Variants in UBE2V2 observed in about 807,000 individuals in gnomAD.
The protein encoded by UBE2V2 is ubiquitin conjugating enzyme E2 V2, also known as ubiquitin-conjugating enzyme E2 variant 2.
In UBE2V2, 9 loss-of-function variants were observed where a neutral mutation model predicts 17.2. The observed-to-expected ratio is 0.52, with a 90% CI of 0.32 to 0.91. The LOEUF is 0.91. Among genes scored for constraint, UBE2V2 ranks in the 40% least tolerant of loss-of-function variants. The pLI, the probability that UBE2V2 is intolerant of heterozygous loss-of-function variation, is 0.04. For missense variants in UBE2V2, 133 were observed against 182.6 expected (o/e 0.73, Z 1.56); for synonymous variants, 61 against 57.5 (o/e 1.06, Z -0.28).
chr8:48,002,173 C>T, the UBE2V2 span, among the ~76,000 whole-genome samples: 1 of 151,988 alleles, frequency 6.6e-6, no homozygotes, highest in African/African-American at 2.4e-5. Flanking sequence ...AAAGGTCGTA[C>T]CTCTTAACAT....
chr8:48,021,507 C>T (rs1323856535), intron 1 of UBE2V2, among the ~76,000 whole-genome samples: 3 of 151,790 alleles, frequency 2.0e-5, no homozygotes, highest in African/African-American at 4.8e-5. Flanking sequence ...GGGGTTTCAC[C>T]GTGTTAGTGA....
intron 1 of UBE2V2, 56 bp downstream of exon 1, chr8:48,008,526 C>T: frequency 2.0e-6 from 3 of 1,533,940 alleles, no homozygotes; most frequent in Non-Finnish European, 2.6e-6. Flanking sequence ...TCTGCCCCTC[C>T]GTCTGCTGCT....
chr8:48,022,465 C>T (rs1184647292), intron 1 of UBE2V2, among the ~76,000 whole-genome samples: 1 of 152,112 alleles, frequency 6.6e-6, no homozygotes, highest in Non-Finnish European at 1.5e-5. Context: ...TATTCCTTTA[C>T]AAATTATTGT....
chr8:48,031,844 C>T (rs1198732759), intron 1 of UBE2V2, among the ~76,000 whole-genome samples: 1 of 152,104 alleles, frequency 6.6e-6, no homozygotes, highest in East Asian at 1.9e-4. Flanking sequence ...ACGGGGGTTT[C>T]ACCATGTTAT....
chr8:48,003,004 G>A, the UBE2V2 span, among the ~76,000 whole-genome samples: 5 of 152,114 alleles, frequency 3.3e-5, no homozygotes. Flanking sequence ...GAGGTCAAGA[G>A]ATTGAGACCA....
At chr8:48,053,200 T>C (rs184671890) in intron 3 of UBE2V2, among the ~76,000 whole-genome samples, 3 of 152,066 alleles carry the variant, frequency 2.0e-5, no homozygotes, top group African/African-American at 7.2e-5. Context: ...CACTTTTTAG[T>C]ATCTTTATTG....
intron 2 of UBE2V2, among the ~76,000 whole-genome samples, chr8:48,047,630 T>C (rs1021298229): frequency 1.3e-5 from 2 of 151,878 alleles, no homozygotes; most frequent in African/African-American, 4.8e-5. Context: ...TGATCTCAGC[T>C]CACTGCAGTT....
intron 2 of UBE2V2, among the ~76,000 whole-genome samples, chr8:48,048,605 A>G (rs993065594): frequency 2.0e-5 from 3 of 152,220 alleles, no homozygotes; most frequent in East Asian, 1.9e-4. Flanking sequence ...TTTGCTTGCT[A>G]TTAATCTCAG....
the UBE2V2 span, among the ~76,000 whole-genome samples, chr8:48,001,517 T>C: frequency 3.3e-5 from 5 of 152,288 alleles, no homozygotes; most frequent in African/African-American, 1.2e-4. Flanking sequence ...AAGGATCACT[T>C]GAGCCTGGGA....
intron 1 of UBE2V2, among the ~76,000 whole-genome samples, chr8:48,025,191 C>T (rs1283675630): frequency 6.6e-6 from 1 of 152,084 alleles, no homozygotes; most frequent in Non-Finnish European, 1.5e-5. Flanking sequence ...CCTGCCTCGG[C>T]CTCCCAAAGT....
intron 1 of UBE2V2, among the ~76,000 whole-genome samples, chr8:48,032,943 T>C (rs1460681189): frequency 2.7e-5 from 4 of 149,342 alleles, no homozygotes; most frequent in African/African-American, 4.9e-5. Context: ...GTGGGGCTTA[T>C]GATTCATACT....
At chr8:48,052,219 T>C (rs2091543328) in intron 3 of UBE2V2, among the ~76,000 whole-genome samples, 1 of 152,180 alleles carries the variant, frequency 6.6e-6, no homozygotes, top group Non-Finnish European at 1.5e-5. Flanking sequence ...AGAAAAGATA[T>C]TATTTAGGGA....
chr8:48,025,557 C>T (rs1454435044), intron 1 of UBE2V2, among the ~76,000 whole-genome samples: 1 of 151,626 alleles, frequency 6.6e-6, no homozygotes, highest in Non-Finnish European at 1.5e-5. Flanking sequence ...GGATTATAGG[C>T]GTGAGCCACC....
Position 48,061,834 on chromosome 8 carries a change from G to C in UBE2V2, c.*1006G>C, listed in dbSNP as rs566839507. The C allele has an allele frequency of 6.6e-6, 1 of 152,272 alleles. No individual in the cohort carries two copies. Among genetic ancestry groups the C allele is most frequent in the South Asian group, 2.1e-4 (1 of 4,828 alleles). The allele number at this position is 152,272 out of a possible 1,614,324, so 9.4% of individuals were successfully genotyped here. A position where few individuals can be genotyped will look rare whatever the true frequency, so the allele number is the denominator to read the frequency against. Reference sequence around the variant, plus strand: ...TTAAAAAGATCTTTGCATTCTGGCAGTTCTTTTAGGATTATAGGTTGCAAA... The same window carrying C: ...TTAAAAAGATCTTTGCATTCTGGCACTTCTTTTAGGATTATAGGTTGCAAA... On this transcript the variant is annotated 3_prime_UTR_variant, in exon 4 of 4. Transcript: ENST00000523111.
Position 48,030,518 on chromosome 8 carries a change from C to T in UBE2V2, c.17-12515C>T, listed in dbSNP as rs144893070. Among the ~76,000 whole-genome samples, 32 of 152,198 alleles carry T rather than the reference C, an allele frequency of 2.1e-4. 3 individuals are homozygous for T. Among genetic ancestry groups the T allele is most frequent in the African/African-American group, 7.2e-4 (30 of 41,520 alleles). ...GGCAGATCACTTGAGCCCAGGAGTT[C>T]GAGACCAGCCTGGGCAACATGGCGA... On this transcript the variant is annotated intron_variant, in intron 1 of 3. Transcript: ENST00000523111.
At chr8:48,060,649 G>C in intron 3 of UBE2V2, 33 bp from the exon 4 acceptor site, 1 of 1,394,292 alleles carries the variant, frequency 7.2e-7, no homozygotes, top group Non-Finnish European at 9.4e-7. Flanking sequence ...CTTTAAACTT[G>C]CTAGTTAACT....
At chr8:47,997,543 T>G in the UBE2V2 span, among the ~76,000 whole-genome samples, 1 of 152,024 alleles carries the variant, frequency 6.6e-6, no homozygotes, top group African/African-American at 2.4e-5. Context: ...ATAGAGATCA[T>G]GCCAAGTAAG....
At chr8:47,999,808 G>C in the UBE2V2 span, among the ~76,000 whole-genome samples, 1 of 152,240 alleles carries the variant, frequency 6.6e-6, no homozygotes, top group Middle Eastern at 3.4e-3. Flanking sequence ...CGGGAGCATC[G>C]GCAGACTCAC....
rs1226527412 is a variant in UBE2V2 at position 48,060,977 on chromosome 8, A to G, written c.*149A>G. The G allele has an allele frequency of 2.0e-5, 14 of 703,298 alleles. No homozygotes were observed. Among genetic ancestry groups the G allele is most frequent in the African/African-American group, 7.4e-5 (4 of 53,830 alleles). 43.6% of individuals were successfully genotyped at this position (703,298 alleles called of 1,614,324 possible). A position where few individuals can be genotyped will look rare whatever the true frequency, so the allele number is the denominator to read the frequency against. On this transcript the variant is annotated 3_prime_UTR_variant, in exon 4 of 4. Coordinates refer to ENST00000523111, the MANE Select transcript of UBE2V2 (RefSeq NM_003350.3). Reference sequence around the variant, plus strand: ...ACATTTGTAAGAATATATTTAATATATGTACACCCATTATGTTTTCAGGTA... The same window carrying G: ...ACATTTGTAAGAATATATTTAATATGTGTACACCCATTATGTTTTCAGGTA...
Sources: gnomAD v4.1 joint callset for allele counts (sites outside exome capture counted in the v4.1 genomes callset) on GRCh38, gnomAD v4.1.1 for gene constraint, MANE v1.5 for transcripts, NCBI Gene and HGNC (gene_info 2026-07-23, HGNC 2026-07-21) for gene names.